Variants in CSMD1 observed in about 807,000 individuals in gnomAD.
CSMD1 encodes the protein CUB and sushi domain-containing protein 1.
A neutral mutation model predicts 417.5 loss-of-function variants in CSMD1; 213 were observed. The ratio of observed to expected loss-of-function variants is 0.51; its 90% confidence interval spans 0.46 to 0.57. The LOEUF (loss-of-function observed/expected upper bound fraction) is 0.57, where lower values mean the gene tolerates loss of function less well. CSMD1 is among the 20% of genes least tolerant of loss of function. The pLI is 0.00. For synonymous variants in CSMD1, 2,862 were observed against 1,736.8 expected (o/e 1.65, Z -16.11); for missense variants, 6,923 against 4,529.7 (o/e 1.53, Z -15.17).
At chr8:3,348,986 G>A (rs1254610279) in intron 21 of CSMD1, among the ~76,000 whole-genome samples, 1 of 152,074 alleles carries the variant, frequency 6.6e-6, no homozygotes, top group Non-Finnish European at 1.5e-5. Context: ...CTACATATAC[G>A]GGTGCACACA....
intron 1 of CSMD1, among the ~76,000 whole-genome samples, chr8:4,883,812 G>C (rs1168955240): frequency 4.6e-5 from 7 of 151,890 alleles, no homozygotes; most frequent in Non-Finnish European, 8.8e-5. Flanking sequence ...ATATTTTTTT[G>C]TGAGCATTTA....
chr8:2,978,859 G>T lies in CSMD1; in HGVS notation c.8378-59C>A, dbSNP rs1805162643. The T allele has an allele frequency of 2.9e-6, 4 of 1,398,962 alleles. No individual in the cohort carries two copies. The South Asian group carries it at 4.5e-5, about 16-fold the overall frequency. 86.7% of individuals were successfully genotyped at this position (1,398,962 alleles called of 1,614,324 possible). Reference sequence around the variant, plus strand: ...AACAGCTAGAAATAACAACAAAATAGATCAGAAATGAAGGCGAATTCCTCA... The same window carrying T: ...AACAGCTAGAAATAACAACAAAATATATCAGAAATGAAGGCGAATTCCTCA... On this transcript the variant is annotated intron_variant, in intron 54 of 69. Transcript: ENST00000635120.
At chr8:3,378,104 A>AT (rs1252868469) in intron 18 of CSMD1, among the ~76,000 whole-genome samples, 1 of 152,184 alleles carries the variant, frequency 6.6e-6, no homozygotes, top group Non-Finnish European at 1.5e-5. Context: ...GATGTGTTTG[A>AT]TTGTTGGTAA....
chr8:4,064,710 C>A (rs4609211), intron 3 of CSMD1, among the ~76,000 whole-genome samples: 54,486 of 152,078 alleles, frequency 0.36, 10,229 homozygotes, highest in Non-Finnish European at 0.38. Flanking sequence ...TTGGTCACCC[C>A]CAGTATCCGT....
chr8:3,705,041 T>G (rs1242944847), intron 7 of CSMD1, among the ~76,000 whole-genome samples: 1 of 152,204 alleles, frequency 6.6e-6, no homozygotes, highest in Non-Finnish European at 1.5e-5. Flanking sequence ...TCTATCACCA[T>G]GACAGGGTCC....
At chr8:3,844,762 A>G (rs946065057) in intron 5 of CSMD1, among the ~76,000 whole-genome samples, 3 of 152,200 alleles carry the variant, frequency 2.0e-5, no homozygotes, top group Non-Finnish European at 4.4e-5. Flanking sequence ...GTGACCTCAG[A>G]ACTTATGAGC....
intron 1 of CSMD1, among the ~76,000 whole-genome samples, chr8:4,700,010 T>C (rs1473967537): frequency 2.0e-5 from 3 of 152,218 alleles, no homozygotes; most frequent in Admixed American, 2.0e-4. Flanking sequence ...TTTCTTCATC[T>C]CGCTAATCTT....
At chr8:3,201,997 T>C (rs946837841) in intron 31 of CSMD1, among the ~76,000 whole-genome samples, 1 of 152,194 alleles carries the variant, frequency 6.6e-6, no homozygotes, top group East Asian at 1.9e-4. Context: ...TTTGTTTTAA[T>C]AAACACAACA....
At chr8:3,964,870 G>C (rs1361923513) in intron 5 of CSMD1, among the ~76,000 whole-genome samples, 1 of 152,162 alleles carries the variant, frequency 6.6e-6, no homozygotes, top group African/African-American at 2.4e-5. Context: ...GAAAAAGTGT[G>C]ATTGCATATT....
intron 24 of CSMD1, 40 bp from the exon 25 acceptor site, chr8:3,307,861 G>A (rs767080316): frequency 1.3e-6 from 2 of 1,593,742 alleles, no homozygotes; most frequent in East Asian, 2.2e-5. Flanking sequence ...TCAGCTTCAG[G>A]CATCACATGT....
intron 21 of CSMD1, among the ~76,000 whole-genome samples, chr8:3,348,604 A>G (rs573363854): frequency 6.6e-6 from 1 of 152,306 alleles, no homozygotes; most frequent in East Asian, 1.9e-4. Context: ...TTATGGCATC[A>G]ACTGGGACGC....
At position 4,927,353 on chromosome 8, in the gene CSMD1, C is replaced by T. The variant is rs576309569; in HGVS notation, c.85+66979G>A. Reference sequence around the variant, plus strand: ...GATTACAGGTATGAGCCACCACGCCCGGCCAAATGCATTATTTAATCTAAT... The same window carrying T: ...GATTACAGGTATGAGCCACCACGCCTGGCCAAATGCATTATTTAATCTAAT... On this transcript the variant is annotated intron_variant, in intron 1 of 69. Coordinates refer to ENST00000635120, the MANE Select transcript of CSMD1 (RefSeq NM_033225.6). Among the ~76,000 whole-genome samples the T allele has an allele frequency of 3.3e-5, 5 of 152,092 alleles. 1 individual carries two copies. In the South Asian group the frequency reaches 8.3e-4, roughly 25 times the overall value.
chr8:3,316,517 G>A (rs1179713644), intron 23 of CSMD1, among the ~76,000 whole-genome samples: 5 of 127,734 alleles, frequency 3.9e-5, no homozygotes, highest in Non-Finnish European at 3.4e-5. Flanking sequence ...TAGCTGGAGG[G>A]GTTCAGTGAG....
intron 3 of CSMD1, among the ~76,000 whole-genome samples, chr8:4,266,901 C>A (rs1226843346): frequency 9.6e-6 from 1 of 103,772 alleles, no homozygotes; most frequent in Non-Finnish European, 2.6e-5. Flanking sequence ...GAAGAAGAAA[C>A]AAACTGATTA....
chr8:3,293,431 G>C (rs1308614050), intron 25 of CSMD1, among the ~76,000 whole-genome samples: 2 of 152,168 alleles, frequency 1.3e-5, no homozygotes, highest in African/African-American at 4.8e-5. Flanking sequence ...TTTCCAACTT[G>C]GTTCCATTCT....
At chr8:3,521,537 A>T (rs1797508562) in intron 10 of CSMD1, among the ~76,000 whole-genome samples, 1 of 152,168 alleles carries the variant, frequency 6.6e-6, no homozygotes, top group African/African-American at 2.4e-5. Context: ...ATCTTATCTC[A>T]TCAGTAAACA....
At chr8:4,050,158 G>C (rs917795881) in intron 3 of CSMD1, among the ~76,000 whole-genome samples, 2 of 152,100 alleles carry the variant, frequency 1.3e-5, no homozygotes, top group Admixed American at 6.5e-5. Context: ...CCAGGGACAC[G>C]CATCATCAGT....
chr8:3,000,082 T>C lies in CSMD1; in HGVS notation c.8079A>G (p.Gly2693=). The C allele has an allele frequency of 6.3e-7, 1 of 1,592,170 alleles. No homozygotes were observed. The highest frequency in any genetic ancestry group is 1.1e-5 in the South Asian group (1 of 88,366). Residue 2693 remains glycine (G), a synonymous_variant, in exon 53 of 70, where the codon GGA becomes GGG. Coordinates refer to ENST00000635120, the MANE Select transcript of CSMD1 (RefSeq NM_033225.6). ...PDPIVNGHIS[G]DGFSYRDTVV... Reference sequence around the variant, plus strand: ...CCGTGTCTCTGTAACTGAAGCCATCTCCACTAATGTGACCGTTCACAATCG... The same window carrying C: ...CCGTGTCTCTGTAACTGAAGCCATCCCCACTAATGTGACCGTTCACAATCG...
At chr8:4,277,433 C>G (rs928047131) in intron 3 of CSMD1, among the ~76,000 whole-genome samples, 1 of 152,110 alleles carries the variant, frequency 6.6e-6, no homozygotes, top group African/African-American at 2.4e-5. Flanking sequence ...AGCTGTCCGT[C>G]AGCTTTCAGT....
Sources: allele counts gnomAD v4.1 joint callset (sites outside exome capture counted in the v4.1 genomes callset), GRCh38; gene constraint gnomAD v4.1.1; transcripts MANE v1.5; gene names NCBI Gene and HGNC (gene_info 2026-07-23, HGNC 2026-07-21).